The following SLC9D1 variants were observed in gnomAD, a reference collection of about 807,000 sequenced individuals.
The protein encoded by SLC9D1 is solute carrier family 9 member D1, also known as putative LAG1-interacting protein.
chr13:113,498,927 A>T, the SLC9D1 span, among the ~76,000 whole-genome samples: 1 of 152,212 alleles, frequency 6.6e-6, no homozygotes, highest in Non-Finnish European at 1.5e-5. Context: ...AAGTGAAAGC[A>T]AGTTTATTAA....
At chr13:113,498,836 A>G in the SLC9D1 span, among the ~76,000 whole-genome samples, 1 of 152,194 alleles carries the variant, frequency 6.6e-6, no homozygotes, top group East Asian at 1.9e-4. Flanking sequence ...TTTAATGCTG[A>G]TCTACTGGGG....
chr13:113,511,984 G>T, the SLC9D1 span: 2 of 150,620 alleles, frequency 1.3e-5, no homozygotes, highest in East Asian at 3.9e-4. Flanking sequence ...TGTAGATGGA[G>T]AGGGTCAGTA....
At chr13:113,517,258 A>C in the SLC9D1 span, among the ~76,000 whole-genome samples, 4 of 152,058 alleles carry the variant, frequency 2.6e-5, no homozygotes, top group African/African-American at 7.2e-5. Flanking sequence ...GTTGAGGAGG[A>C]GTCTCGCTCT....
chr13:113,515,539 A>T, the SLC9D1 span, among the ~76,000 whole-genome samples: 1 of 152,124 alleles, frequency 6.6e-6, no homozygotes, highest in Non-Finnish European at 1.5e-5. Flanking sequence ...CTGGTTGTTC[A>T]TGACATGCTT....
At chr13:113,548,886 G>T in the SLC9D1 span, among the ~76,000 whole-genome samples, 3 of 152,168 alleles carry the variant, frequency 2.0e-5, no homozygotes, top group Non-Finnish European at 4.4e-5. Flanking sequence ...TTGTGTAAGT[G>T]TGAGGCGGGT....
the SLC9D1 span, chr13:113,549,494 A>G: frequency 1.2e-4 from 196 of 1,613,952 alleles, no homozygotes; most frequent in Admixed American, 1.8e-4. Flanking sequence ...GAGAGCTGCA[A>G]TCACGAGGTG....
the SLC9D1 span, among the ~76,000 whole-genome samples, chr13:113,517,275 C>G: frequency 1.3e-5 from 2 of 152,168 alleles, no homozygotes; most frequent in African/African-American, 4.8e-5. Context: ...CTCTGTCGCC[C>G]AGGCTGGAGT....
chr13:113,501,817 T>G, the SLC9D1 span: 1 of 1,610,290 alleles, frequency 6.2e-7, no homozygotes. Context: ...TAGGATTGCC[T>G]ACAATGTTTG....
the SLC9D1 span, among the ~76,000 whole-genome samples, chr13:113,495,054 A>G: frequency 2.0e-5 from 3 of 152,188 alleles, no homozygotes; most frequent in African/African-American, 7.2e-5. Context: ...GGGTTTCACC[A>G]TGTTAACCAG....
At chr13:113,548,377 G>A in the SLC9D1 span, 1,454 of 1,613,738 alleles carry the variant, frequency 9.0e-4, 1 homozygote, top group Admixed American at 1.2e-3. Context: ...TCGTCTCTGC[G>A]GGGCTTGCCC....
At chr13:113,502,883 G>A in the SLC9D1 span, among the ~76,000 whole-genome samples, 4 of 152,332 alleles carry the variant, frequency 2.6e-5, no homozygotes, top group African/African-American at 7.2e-5. Flanking sequence ...TGAGGAGCTC[G>A]AGCCCCAGCT....
the SLC9D1 span, among the ~76,000 whole-genome samples, chr13:113,506,715 G>A: frequency 6.6e-6 from 1 of 152,204 alleles, no homozygotes; most frequent in African/African-American, 2.4e-5. Context: ...CTCCTGTACA[G>A]TGAGGAATCT....
chr13:113,543,724 G>A, the SLC9D1 span, among the ~76,000 whole-genome samples: 1 of 150,440 alleles, frequency 6.6e-6, no homozygotes, highest in East Asian at 2.0e-4. Flanking sequence ...GTCCGCCGGG[G>A]CTTTGTTGAG....
chr13:113,503,353 G>GTGTA, the SLC9D1 span: 2 of 288,540 alleles, frequency 6.9e-6, no homozygotes, highest in Non-Finnish European at 1.1e-5. Context: ...GATTGTGTGT[G>GTGTA]TGTGTGTGTG....
chr13:113,494,747 A>G, the SLC9D1 span, among the ~76,000 whole-genome samples: 43 of 152,232 alleles, frequency 2.8e-4, no homozygotes, highest in East Asian at 8.1e-3. Context: ...AAATGATTTT[A>G]AGAAGCCTGC....
the SLC9D1 span, among the ~76,000 whole-genome samples, chr13:113,511,003 GA>G: frequency 0.015 from 1,632 of 106,690 alleles, 33 homozygotes; most frequent in East Asian, 0.035. Flanking sequence ...GACTCACTCG[GA>G]AGCCTAGGCA....
chr13:113,520,607 C>A, the SLC9D1 span: 1 of 1,602,192 alleles, frequency 6.2e-7, no homozygotes, highest in Non-Finnish European at 8.5e-7. Flanking sequence ...AATGCCTTTC[C>A]CCCCACAGGC....
At chr13:113,507,557 C>T in the SLC9D1 span, among the ~76,000 whole-genome samples, 1 of 152,196 alleles carries the variant, frequency 6.6e-6, no homozygotes, top group East Asian at 1.9e-4. Context: ...AACACTGAAG[C>T]CCCGAAACTG....
chr13:113,515,617 C>T, the SLC9D1 span, among the ~76,000 whole-genome samples: 1 of 152,018 alleles, frequency 6.6e-6, no homozygotes, highest in African/African-American at 2.4e-5. Flanking sequence ...AGTGGCTGGG[C>T]ACGGTGGCTC....
Sources: allele counts gnomAD v4.1 joint callset (sites outside exome capture counted in the v4.1 genomes callset), GRCh38; gene constraint gnomAD v4.1.1; transcripts MANE v1.5; gene names NCBI Gene and HGNC (gene_info 2026-07-23, HGNC 2026-07-21).